ALK: variants seen among roughly 807,000 people sequenced by gnomAD.
The protein encoded by ALK is ALK receptor tyrosine kinase.
ALK carries 74 observed loss-of-function variants against 163.1 expected under a neutral mutation model. The observed-to-expected ratio is 0.45, with a 90% CI of 0.38 to 0.55. The LOEUF (loss-of-function observed/expected upper bound fraction) is 0.55. Ranked by LOEUF, ALK falls within the 20% of genes least tolerant of loss-of-function variation. The pLI, the probability that ALK is intolerant of heterozygous loss-of-function variation, is 0.00. For synonymous variants in ALK, 960 were observed against 843.2 expected (o/e 1.14, Z -2.40); for missense variants, 2,063 against 2,105.3 (o/e 0.98, Z 0.39).
At chr2:29,260,333 TC>T (rs1665055136) in intron 11 of ALK, among the ~76,000 whole-genome samples, 1 of 152,242 alleles carries the variant, frequency 6.6e-6, no homozygotes, top group African/African-American at 2.4e-5. Flanking sequence ...AGCACGTCTT[TC>T]TGGCATGATT....
chr2:29,794,954 T>G (rs1414146503), intron 1 of ALK, among the ~76,000 whole-genome samples: 1 of 152,164 alleles, frequency 6.6e-6, no homozygotes. Flanking sequence ...AAAACTTCAA[T>G]TTGTGAAAGT....
At chr2:29,811,662 C>A (rs1027757010) in intron 1 of ALK, among the ~76,000 whole-genome samples, 2 of 152,168 alleles carry the variant, frequency 1.3e-5, no homozygotes, top group African/African-American at 2.4e-5. Flanking sequence ...CACAATAAGG[C>A]ATGTAGCTGA....
intron 3 of ALK, among the ~76,000 whole-genome samples, chr2:29,631,878 A>G (rs373246613): frequency 6.6e-6 from 1 of 152,122 alleles, no homozygotes; most frequent in African/African-American, 2.4e-5. Context: ...TCAGGTTACC[A>G]TTTTCTACCA....
At chr2:29,567,559 G>T (rs1029977985) in intron 3 of ALK, among the ~76,000 whole-genome samples, 6 of 152,146 alleles carry the variant, frequency 3.9e-5, no homozygotes, top group African/African-American at 7.2e-5. Context: ...CAGACAGGAG[G>T]TTCACAATCA....
chr2:29,634,178 A>C (rs1176116007), intron 3 of ALK, among the ~76,000 whole-genome samples: 12 of 151,274 alleles, frequency 7.9e-5, no homozygotes, highest in African/African-American at 2.4e-4. Flanking sequence ...AGCTCACTGC[A>C]CCCTCTGCCT....
At chr2:29,250,400 G>A (rs529291118) in intron 12 of ALK, among the ~76,000 whole-genome samples, 2 of 152,298 alleles carry the variant, frequency 1.3e-5, no homozygotes, top group South Asian at 2.1e-4. Flanking sequence ...GAGCTCAGAG[G>A]TTCTAAAAGG....
chr2:29,871,518 A>T (rs1276391459), intron 1 of ALK, among the ~76,000 whole-genome samples: 1 of 152,186 alleles, frequency 6.6e-6, no homozygotes. Context: ...ATGGAAAAGG[A>T]AAAATCAAAT....
intron 4 of ALK, among the ~76,000 whole-genome samples, chr2:29,503,627 T>C (rs1672243222): frequency 6.6e-6 from 1 of 151,954 alleles, no homozygotes; most frequent in Admixed American, 6.6e-5. Context: ...TTTCCATCAG[T>C]GGAGTTTTCT....
chr2:29,310,121 T>C (rs1488519734), intron 8 of ALK, among the ~76,000 whole-genome samples: 1 of 152,200 alleles, frequency 6.6e-6, no homozygotes, highest in East Asian at 1.9e-4. Flanking sequence ...ATATGGCTCC[T>C]CAGTGGGGCA....
intron 4 of ALK, among the ~76,000 whole-genome samples, chr2:29,513,605 T>C (rs954684730): frequency 6.6e-6 from 1 of 151,932 alleles, no homozygotes; most frequent in Non-Finnish European, 1.5e-5. Context: ...ACTTCATGTC[T>C]AAAACACCAA....
intron 1 of ALK, among the ~76,000 whole-genome samples, chr2:29,810,922 GT>G (rs1234645811): frequency 1.3e-5 from 2 of 152,104 alleles, no homozygotes; most frequent in Non-Finnish European, 2.9e-5. Flanking sequence ...GAAAAGCCAT[GT>G]TAGGACACAG....
chr2:29,886,359 G>T (rs568700132), intron 1 of ALK, among the ~76,000 whole-genome samples: 1 of 152,286 alleles, frequency 6.6e-6, no homozygotes, highest in South Asian at 2.1e-4. Flanking sequence ...ACTGTGCAGG[G>T]GTTGTTGAAA....
At chr2:29,315,692 G>A (rs1666814007) in intron 8 of ALK, among the ~76,000 whole-genome samples, 1 of 152,210 alleles carries the variant, frequency 6.6e-6, no homozygotes, top group East Asian at 1.9e-4. Flanking sequence ...TGTGACTGGT[G>A]AAACACAGAA....
intron 8 of ALK, among the ~76,000 whole-genome samples, chr2:29,304,671 G>A (rs1340175398): frequency 1.3e-5 from 2 of 152,046 alleles, no homozygotes; most frequent in South Asian, 2.1e-4. Context: ...CTCTTTTCTT[G>A]TCTGCTGACT....
At chr2:29,482,902 A>C (rs1214527035) in intron 4 of ALK, among the ~76,000 whole-genome samples, 1 of 152,166 alleles carries the variant, frequency 6.6e-6, no homozygotes, top group Non-Finnish European at 1.5e-5. Flanking sequence ...GATAGGAGGC[A>C]AGGAGATAAT....
intron 3 of ALK, among the ~76,000 whole-genome samples, chr2:29,593,469 C>T (rs372337987): frequency 9.3e-4 from 142 of 152,318 alleles, no homozygotes; most frequent in African/African-American, 3.3e-3. Flanking sequence ...TGTCCCCTTT[C>T]ATTCTATACC....
intron 24 of ALK, among the ~76,000 whole-genome samples, chr2:29,211,291 C>A (rs1669460388): frequency 6.6e-6 from 1 of 151,926 alleles, no homozygotes; most frequent in African/African-American, 2.4e-5. Flanking sequence ...CATATGACAT[C>A]AAAAAGAAAG....
chr2:29,422,894 T>A (rs527317969), intron 4 of ALK, among the ~76,000 whole-genome samples: 1 of 151,346 alleles, frequency 6.6e-6, no homozygotes, highest in Admixed American at 6.6e-5. Context: ...CAAGCCTCAA[T>A]CCTAATAACA....
At chr2:29,508,305 C>A (rs181116621) in intron 4 of ALK, among the ~76,000 whole-genome samples, 1 of 152,148 alleles carries the variant, frequency 6.6e-6, no homozygotes, top group African/African-American at 2.4e-5. Flanking sequence ...GCAGTATAGG[C>A]GTCAGCTTGT....
Sources: allele counts gnomAD v4.1 joint callset (sites outside exome capture counted in the v4.1 genomes callset), GRCh38; gene constraint gnomAD v4.1.1; transcripts MANE v1.5; gene names NCBI Gene and HGNC (gene_info 2026-07-23, HGNC 2026-07-21).